Variants in ADRA1A observed in about 807,000 individuals in gnomAD.
The protein encoded by ADRA1A is adrenoceptor alpha 1A, also known as alpha-1A adrenergic receptor.
In ADRA1A, 31 loss-of-function variants were observed where a neutral mutation model predicts 29.6. The ratio of observed to expected loss-of-function variants is 1.05; its 90% CI spans 0.79 to 1.41. ADRA1A has a LOEUF of 1.41. Ranked by LOEUF, ADRA1A falls within the 40% of genes most tolerant of loss-of-function variation. ADRA1A has a pLI of 0.00. For synonymous variants in ADRA1A, 311 were observed against 254.3 expected, an observed-to-expected ratio of 1.22 and a Z score of -2.12; for missense variants, 619 against 601.1, an observed-to-expected ratio of 1.03 and a Z score of -0.31.
rs1813763764 is a variant in ADRA1A at position 26,864,683 on chromosome 8, C to T, written c.287G>A (p.Arg96Lys). 1 of 1,614,066 alleles carries T rather than the reference C, an allele frequency of 6.2e-7. No homozygotes were observed. The highest frequency in any genetic ancestry group is 1.3e-5 in the African/African-American group (1 of 74,922). ...TGCCGCCCAGATGTTGCAGAAGACC[C>T]TGCCGAAGGCCCAGTAGCCTAGGAC... is the stretch of plus-strand genomic sequence containing the variant. ...FEVLGYWAFG[R>K]VFCNIWAAVD... is the part of the protein sequence containing the mutation. The change falls in exon 2 of 3, where the codon AGG becomes AAG. Residue 96 changes from arginine to lysine, a missense_variant. Coordinates refer to ENST00000380573, the MANE Select transcript of ADRA1A (RefSeq NM_000680.4). The surrounding 1 kb of genome is among the most constrained non-coding windows in gnomAD (Gnocchi z 8.1).
Position 26,815,455 on chromosome 8 carries a change from T to C in ADRA1A, c.884-44789A>G, listed in dbSNP as rs137927042. ...GTAACACTGATTTCAAGCTACCTTATGGGATTTGTTGGTCTTGACAATCAA... is the reference window on the plus strand; with the variant it reads ...GTAACACTGATTTCAAGCTACCTTACGGGATTTGTTGGTCTTGACAATCAA... On this transcript the variant is annotated intron_variant, in intron 2 of 2. Coordinates refer to ENST00000380573, the MANE Select transcript of ADRA1A (RefSeq NM_000680.4). The surrounding 1 kb of genome is among the most constrained non-coding windows in gnomAD (Gnocchi z 4.2). 2.3e-3 allele frequency among the ~76,000 whole-genome samples: 347 copies of C among 152,298 alleles called. 2 individuals are homozygous for C. Among genetic ancestry groups the C allele is most frequent in the Non-Finnish European group, 3.6e-3 (243 of 68,020 alleles).
At chr8:26,814,941 G>A (rs1809657869) in intron 2 of ADRA1A, among the ~76,000 whole-genome samples, 1 of 152,186 alleles carries the variant, frequency 6.6e-6, no homozygotes, top group Non-Finnish European at 1.5e-5. Flanking sequence ...GTGATTAAGT[G>A]AGATCTAAAT....
chr8:26,839,865 T>A (rs192240563), intron 2 of ADRA1A, among the ~76,000 whole-genome samples: 2 of 152,188 alleles, frequency 1.3e-5, no homozygotes, highest in East Asian at 3.9e-4. Flanking sequence ...AGAGAAGCTC[T>A]CGGAGGCAGG....
At position 26,865,262 on chromosome 8, in the gene ADRA1A, C is replaced by T. The variant is rs1004388501; in HGVS notation, c.-293G>A. 2.7e-5 allele frequency: 34 copies of T among 1,264,910 alleles called. No individual in the cohort carries two copies. The highest frequency in any genetic ancestry group is 3.6e-5 in the East Asian group (1 of 27,598). The allele number at this position is 1,264,910 out of a possible 1,614,324, so 78.4% of individuals were successfully genotyped here. A position where few individuals can be genotyped will look rare whatever the true frequency, so the allele number is the denominator to read the frequency against. ...GCTGGCCTAGCCCGGGACCCGGACT[C>T]CCTCCCTACCCGAAGCTGGGTGCGA... On this transcript the variant is annotated 5_prime_UTR_variant, in exon 2 of 3. Coordinates refer to ENST00000380573, the MANE Select transcript of ADRA1A (RefSeq NM_000680.4). This position sits in a 1 kb window ranked among gnomAD's most constrained non-coding sequence, Gnocchi z 7.6.
intron 2 of ADRA1A, among the ~76,000 whole-genome samples, chr8:26,818,838 T>C (rs1321058921): frequency 2.0e-5 from 3 of 152,114 alleles, no homozygotes; most frequent in Admixed American, 1.3e-4. Context: ...CCAGGATTTA[T>C]GAAATGTTAT....
chr8:26,765,764 G>A, downstream of ADRA1A: 1 of 1,174,014 alleles, frequency 8.5e-7, no homozygotes, highest in Non-Finnish European at 1.1e-6. Context: ...ACACACAGAG[G>A]CAGCATCTTT....
At chr8:26,832,146 T>C (rs1179681466) in intron 2 of ADRA1A, among the ~76,000 whole-genome samples, 1 of 152,186 alleles carries the variant, frequency 6.6e-6, no homozygotes, top group African/African-American at 2.4e-5. Flanking sequence ...GAACGAAGTC[T>C]TTGGAGTGGA....
intron 2 of ADRA1A, among the ~76,000 whole-genome samples, chr8:26,814,582 C>T (rs1224333120): frequency 3.9e-5 from 6 of 152,310 alleles, no homozygotes; most frequent in African/African-American, 1.2e-4. Context: ...TTTCATTTAG[C>T]TTTAATTTTA....
Position 26,769,579 on chromosome 8 carries a change from C to A in ADRA1A, c.*570G>T. ...GTGCAGTCAAAGGTAAACCTCACTG[C>A]CAAGTTTCCCTCAAGCTGAGAAATT... On this transcript the variant is annotated 3_prime_UTR_variant, in exon 3 of 3. Coordinates refer to ENST00000380573, the MANE Select transcript of ADRA1A (RefSeq NM_000680.4). 1.0e-6 allele frequency: 1 copy of A among 985,518 alleles called. No individual in the cohort carries two copies. The highest frequency in any genetic ancestry group is 1.7e-5 in the African/African-American group (1 of 57,342). 61.0% of individuals were successfully genotyped at this position (985,518 alleles called of 1,614,324 possible).
chr8:26,824,423 A>C (rs1271143085), intron 2 of ADRA1A, among the ~76,000 whole-genome samples: 3 of 152,168 alleles, frequency 2.0e-5, no homozygotes, highest in African/African-American at 7.2e-5. Flanking sequence ...CGTTTTTTGC[A>C]TCTCTGAAAG....
chr8:26,851,054 T>G (rs182805734), intron 2 of ADRA1A, among the ~76,000 whole-genome samples: 2 of 145,580 alleles, frequency 1.4e-5, no homozygotes, highest in East Asian at 3.9e-4. Context: ...AGCACAGGAG[T>G]GAGTAAGTCA....
downstream of ADRA1A, among the ~76,000 whole-genome samples, chr8:26,763,945 T>G (rs898356637): frequency 1.2e-4 from 18 of 152,210 alleles, no homozygotes; most frequent in African/African-American, 4.3e-4. This position sits in a 1 kb window ranked among gnomAD's most constrained non-coding sequence, Gnocchi z 4.5. Flanking sequence ...TAATATACAT[T>G]AAATAGATTT....
chr8:26,809,944 T>G (rs1809265603), intron 2 of ADRA1A, among the ~76,000 whole-genome samples: 1 of 152,242 alleles, frequency 6.6e-6, no homozygotes, highest in Admixed American at 6.5e-5. Flanking sequence ...TGGAACTTTC[T>G]TCTTAGATTA....
At position 26,860,544 on chromosome 8, in the gene ADRA1A, T is replaced by G. The variant is rs980338527; in HGVS notation, c.883+3543A>C. Among the ~76,000 whole-genome samples, 7 of 152,108 alleles carry G rather than the reference T, an allele frequency of 4.6e-5. No individual in the cohort carries two copies. The highest frequency in any genetic ancestry group is 1.0e-4 in the Non-Finnish European group (7 of 68,016). The stretch of plus-strand genomic sequence containing the variant: ...GACTTCCCAGTGACTCTACCAAACT[T>G]CCATAAAATGTTTACTGTCCCACTC... On this transcript the variant is annotated intron_variant, in intron 2 of 2. Transcript: ENST00000380573. This position sits in a 1 kb window ranked among gnomAD's most constrained non-coding sequence, Gnocchi z 4.7.
Position 26,865,235 on chromosome 8 carries a change from G to C in ADRA1A, c.-266C>G, listed in dbSNP as rs1478854453. ...CTGCCGGGGACCCTCTCCACCTGCCGGGCTGGCCTAGCCCGGGACCCGGAC... is the reference window on the plus strand; with the variant it reads ...CTGCCGGGGACCCTCTCCACCTGCCCGGCTGGCCTAGCCCGGGACCCGGAC... On this transcript the variant is annotated 5_prime_UTR_variant, in exon 2 of 3. Transcript: ENST00000380573. This position sits in a 1 kb window ranked among gnomAD's most constrained non-coding sequence, Gnocchi z 7.6. 1 of 1,318,966 alleles carries C rather than the reference G, an allele frequency of 7.6e-7. No homozygotes were observed. The highest frequency in any genetic ancestry group is 3.2e-5 in the East Asian group (1 of 31,058). The allele number at this position is 1,318,966 out of a possible 1,614,324, so 81.7% of individuals were successfully genotyped here. A position where few individuals can be genotyped will look rare whatever the true frequency, so the allele number is the denominator to read the frequency against.
chr8:26,754,826 C>T (rs1481137725), downstream of ADRA1A, among the ~76,000 whole-genome samples: 1 of 152,110 alleles, frequency 6.6e-6, no homozygotes, highest in Admixed American at 6.6e-5. Context: ...GCTTTCATTT[C>T]CCCCCTGCCC....
chr8:26,829,507 G>C (rs1029549490), intron 2 of ADRA1A, among the ~76,000 whole-genome samples: 6 of 152,062 alleles, frequency 3.9e-5, no homozygotes, highest in African/African-American at 1.4e-4. Context: ...CTTAAAATTA[G>C]ATTATAAATT....
chr8:26,803,321 G>A (rs1808732220), intron 2 of ADRA1A, among the ~76,000 whole-genome samples: 1 of 152,058 alleles, frequency 6.6e-6, no homozygotes, highest in African/African-American at 2.4e-5. Flanking sequence ...GTATATGACT[G>A]TATCAAAATA....
chr8:26,757,427 C>T (rs1805236152), intron 2 of ADRA1A, among the ~76,000 whole-genome samples: 1 of 152,032 alleles, frequency 6.6e-6, no homozygotes, highest in South Asian at 2.1e-4. Flanking sequence ...ACTGGCAGAA[C>T]CTGAAATTAG....
Sources: allele counts gnomAD v4.1 joint callset (sites outside exome capture counted in the v4.1 genomes callset), GRCh38; gene constraint gnomAD v4.1.1; non-coding constraint Gnocchi (gnomAD v3.1); transcripts MANE v1.5; gene names NCBI Gene and HGNC (gene_info 2026-07-23, HGNC 2026-07-21).